Variants in PSD3 observed in about 807,000 individuals in gnomAD.
PSD3 encodes PH and SEC7 domain-containing protein 3.
A neutral mutation model predicts 105.5 loss-of-function variants in PSD3; 49 were observed. That is an observed-to-expected ratio of 0.46 (90% CI 0.37 to 0.59). The LOEUF (loss-of-function observed/expected upper bound fraction) is 0.59, where lower values mean the gene tolerates loss of function less well. Ranked by LOEUF, PSD3 falls within the 20% of genes least tolerant of loss-of-function variation. PSD3 has a pLI of 0.00. For missense variants in PSD3, 1,561 were observed against 1,263.8 expected, an observed-to-expected ratio of 1.24 and a Z score of -3.57; for synonymous variants, 557 against 457.8, an observed-to-expected ratio of 1.22 and a Z score of -2.77.
intron 2 of PSD3, among the ~76,000 whole-genome samples, chr8:18,906,797 T>A (rs1819879589): frequency 6.6e-6 from 1 of 152,172 alleles, no homozygotes; most frequent in African/African-American, 2.4e-5. Context: ...AGTCAATGAC[T>A]AACTGCATAT....
intron 14 of PSD3, among the ~76,000 whole-genome samples, chr8:18,559,827 C>T (rs1441359848): frequency 6.6e-6 from 1 of 152,116 alleles, no homozygotes; most frequent in Non-Finnish European, 1.5e-5. Context: ...TTTTCACTTT[C>T]CTCCCAATAC....
At chr8:18,652,924 G>A (rs1358196059) in intron 10 of PSD3, among the ~76,000 whole-genome samples, 1 of 152,196 alleles carries the variant, frequency 6.6e-6, no homozygotes, top group Non-Finnish European at 1.5e-5. Context: ...ATAAGATTCA[G>A]TGATTTAATA....
chr8:18,978,556 C>A (rs1825076069), intron 1 of PSD3, among the ~76,000 whole-genome samples: 1 of 152,272 alleles, frequency 6.6e-6, no homozygotes, highest in East Asian at 1.9e-4. Flanking sequence ...GAGATGGCTA[C>A]ATCTATGGTT....
At position 18,527,412 on chromosome 8, in the gene PSD3, C is replaced by G. The variant is rs905269474; in HGVS notation, c.*8331G>C. 2.6e-5 allele frequency: 4 copies of G among 152,410 alleles called. No individual in the cohort carries two copies. The highest frequency in any genetic ancestry group is 9.7e-5 in the African/African-American group (4 of 41,370). 9.4% of individuals were successfully genotyped at this position (152,410 alleles called of 1,614,324 possible). A position where few individuals can be genotyped will look rare whatever the true frequency, so the allele number is the denominator to read the frequency against. On this transcript the variant is annotated 3_prime_UTR_variant, in exon 16 of 16. Transcript: ENST00000327040. ...TGCGTGATTTCTATTACATAAAAAC[C>G]ATTTAAATGCAATAAATTTTGTTGC... is the stretch of plus-strand genomic sequence containing the variant.
chr8:18,804,440 T>A, intron 6 of PSD3, 82 bp downstream of exon 6: 1 of 1,225,476 alleles, frequency 8.2e-7, no homozygotes, highest in Admixed American at 2.4e-5. Context: ...AAAAATAAGA[T>A]TCTAGCTAGA....
intron 4 of PSD3, among the ~76,000 whole-genome samples, chr8:18,840,717 C>T (rs955813712): frequency 6.6e-6 from 1 of 152,156 alleles, no homozygotes; most frequent in Non-Finnish European, 1.5e-5. Flanking sequence ...AGACCACACC[C>T]TGAACTACAG....
At chr8:19,023,453 G>A (rs1010496126) in intron 1 of PSD3, among the ~76,000 whole-genome samples, 5 of 151,110 alleles carry the variant, frequency 3.3e-5, no homozygotes, top group Admixed American at 1.3e-4. Context: ...TTTAGAGACA[G>A]GGTCTTGCTC....
chr8:18,872,495 G>C lies in PSD3; in HGVS notation c.369C>G (p.Leu123=), dbSNP rs1388156105. The C allele has an allele frequency of 3.7e-6, 6 of 1,614,008 alleles. No homozygotes were observed. The African/African-American group carries it at 6.7e-5, about 18-fold the overall frequency. ...CAATGGGCTGTAAACTTTGTTCCTT[G>C]AGATGACTTTGAGAGGGGGCCTCTC... ...DVREAPSQSH[L]KEQSLQPIDS... is the part of the protein sequence containing the mutation. Residue 123 remains leucine, a synonymous_variant, in exon 3 of 16, where the codon CTC becomes CTG. Transcript: ENST00000327040.
intron 1 of PSD3, among the ~76,000 whole-genome samples, chr8:19,078,785 T>C (rs1829544405): frequency 6.6e-6 from 1 of 151,766 alleles, no homozygotes; most frequent in Admixed American, 6.6e-5. Context: ...AAGAAAGAGA[T>C]GTAAACCTGG....
At chr8:18,758,234 G>A (rs1240765852) in intron 9 of PSD3, among the ~76,000 whole-genome samples, 1 of 152,100 alleles carries the variant, frequency 6.6e-6, no homozygotes, top group Non-Finnish European at 1.5e-5. Context: ...GATGAGAGAG[G>A]AGAGAGCAAC....
intron 14 of PSD3, among the ~76,000 whole-genome samples, chr8:18,560,465 A>G (rs1801332654): frequency 6.6e-6 from 1 of 152,180 alleles, no homozygotes; most frequent in African/African-American, 2.4e-5. Context: ...GAGATGGCAG[A>G]AAAATATTAC....
intron 10 of PSD3, among the ~76,000 whole-genome samples, chr8:18,647,576 G>A (rs1010292263): frequency 6.6e-6 from 1 of 151,140 alleles, no homozygotes; most frequent in African/African-American, 2.4e-5. Context: ...CAAGTGCAGA[G>A]GGAATCCAGA....
At chr8:18,659,308 T>A (rs543035628) in intron 9 of PSD3, among the ~76,000 whole-genome samples, 1 of 152,250 alleles carries the variant, frequency 6.6e-6, no homozygotes, top group Non-Finnish European at 1.5e-5. Context: ...CATGAGCCTC[T>A]CGCCATCTCC....
intron 9 of PSD3, among the ~76,000 whole-genome samples, chr8:18,689,156 G>T (rs775184577): frequency 5.3e-5 from 8 of 152,144 alleles, no homozygotes; most frequent in Non-Finnish European, 1.2e-4. Flanking sequence ...ACACTTCTTT[G>T]CTGTGTCTAC....
chr8:18,605,871 C>T (rs561907191), intron 11 of PSD3, among the ~76,000 whole-genome samples: 46 of 152,234 alleles, frequency 3.0e-4, no homozygotes, highest in African/African-American at 1.1e-3. Context: ...GTGGTGCTCC[C>T]CCTTTACCTT....
At chr8:18,915,986 C>A (rs776080041) in intron 2 of PSD3, among the ~76,000 whole-genome samples, 43 of 152,012 alleles carry the variant, frequency 2.8e-4, no homozygotes, top group Admixed American at 5.2e-4. Context: ...ATCCCAGCTA[C>A]TCGGGAGGCT....
chr8:18,866,366 A>G (rs1816933135), intron 4 of PSD3, among the ~76,000 whole-genome samples: 1 of 152,180 alleles, frequency 6.6e-6, no homozygotes, highest in Non-Finnish European at 1.5e-5. Context: ...CAACCAGTTC[A>G]TATGCACACA....
At chr8:18,922,615 A>G (rs114143815) in intron 2 of PSD3, among the ~76,000 whole-genome samples, 30 of 152,238 alleles carry the variant, frequency 2.0e-4, no homozygotes, top group African/African-American at 7.0e-4. Context: ...TCGAGACAGT[A>G]TTAGATCCCA....
intron 10 of PSD3, among the ~76,000 whole-genome samples, chr8:18,634,048 C>A (rs896153350): frequency 6.6e-6 from 1 of 151,902 alleles, no homozygotes; most frequent in Non-Finnish European, 1.5e-5. Context: ...TGTTTGTTGG[C>A]CATTTGTATA....
Sources: gnomAD v4.1 joint callset for allele counts (sites outside exome capture counted in the v4.1 genomes callset) on GRCh38, gnomAD v4.1.1 for gene constraint, MANE v1.5 for transcripts, NCBI Gene and HGNC (gene_info 2026-07-23, HGNC 2026-07-21) for gene names.